Variants in MCFD2 observed in about 807,000 individuals in gnomAD.
MCFD2 encodes the protein multiple coagulation factor deficiency protein 2.
MCFD2 carries 11 observed loss-of-function variants against 12.8 expected under a neutral mutation model. The ratio of observed to expected loss-of-function variants is 0.86; its 90% CI spans 0.54 to 1.42. MCFD2 has a LOEUF of 1.42. Ranked by LOEUF, MCFD2 falls within the 40% of genes most tolerant of loss-of-function variation. The probability of loss-of-function intolerance (pLI) is 0.00; values close to 1 mark genes in which losing one functional copy is unlikely to be tolerated. For synonymous variants in MCFD2, 70 were observed against 68.1 expected, an observed-to-expected ratio of 1.03 and a Z score of -0.14; for missense variants, 191 against 178.6, an observed-to-expected ratio of 1.07 and a Z score of -0.40.
intron 1 of MCFD2, among the ~76,000 whole-genome samples, chr2:46,932,614 G>T (rs1489804806): frequency 2.6e-5 from 4 of 152,044 alleles, no homozygotes; most frequent in Admixed American, 6.6e-5. Flanking sequence ...ATAGAAGCAG[G>T]TGGAGGCCAG....
At chr2:46,909,476 C>CCA (rs1668392114) in intron 1 of MCFD2, among the ~76,000 whole-genome samples, 1 of 150,146 alleles carries the variant, frequency 6.7e-6, no homozygotes, top group African/African-American at 2.5e-5. Flanking sequence ...AAGTTATGGT[C>CCA]CCCTGAAAGA....
At position 46,905,695 on chromosome 2, in the gene MCFD2, TAAAAAAAAAAAA is replaced by T. The variant is rs59068176; in HGVS notation, c.310-113_310-102del. On this transcript the variant is annotated intron_variant, in intron 3 of 3. Transcript: ENST00000319466. The stretch of plus-strand genomic sequence containing the variant: ...CATGTTCTTTCATGGCACTGTTTAT[TAAAAAAAAAAAA>T]AAAAAAAAGGAAAAACAAAACAACA... The T allele has an allele frequency of 7.7e-5, 39 of 509,008 alleles. No homozygotes were observed. The Middle Eastern group carries it at 2.4e-3, about 31-fold the overall frequency. The allele number at this position is 509,008 out of a possible 1,614,324, so 31.5% of individuals were successfully genotyped here.
In MCFD2 at chr2:46,941,573, T is replaced by C; in HGVS notation, c.-9A>G. On this transcript the variant is annotated splice_region_variant and 5_prime_UTR_variant, in exon 1 of 3. Coordinates refer to the MCFD2 transcript ENST00000409147. This position sits in a 1 kb window ranked among gnomAD's most constrained non-coding sequence, Gnocchi z 4.2. ...GCGAAGGGCGCGCACGGCTCCTACCTGAAGGTGGAGAGCGAGCTGGAGCGC... is the reference window on the plus strand; with the variant it reads ...GCGAAGGGCGCGCACGGCTCCTACCCGAAGGTGGAGAGCGAGCTGGAGCGC... 2 of 1,557,536 alleles carry C rather than the reference T, an allele frequency of 1.3e-6. No individual in the cohort carries two copies. The highest frequency in any genetic ancestry group is 1.7e-6 in the Non-Finnish European group (2 of 1,151,298).
chr2:46,905,342 A>T lies in MCFD2; in HGVS notation c.*121T>A. On this transcript the variant is annotated 3_prime_UTR_variant, in exon 4 of 4. Coordinates refer to ENST00000319466, the MANE Select transcript of MCFD2 (RefSeq NM_139279.6). ...TCTCACCCCAGTGTAACGAATCGCTACAGGTTTTTACCAAAATGCTGCAGC... is the reference window on the plus strand; with the variant it reads ...TCTCACCCCAGTGTAACGAATCGCTTCAGGTTTTTACCAAAATGCTGCAGC... 9.2e-7 allele frequency: 1 copy of T among 1,090,944 alleles called. No homozygotes were observed. The highest frequency in any genetic ancestry group is 1.4e-6 in the Non-Finnish European group (1 of 709,990). 67.6% of individuals were successfully genotyped at this position (1,090,944 alleles called of 1,614,324 possible).
rs534249673 is a variant in MCFD2, at chr2:46,940,057, G to T, written c.-8+1515C>A. On this transcript the variant is annotated intron_variant, in intron 1 of 2. Coordinates refer to the MCFD2 transcript ENST00000409147. This position sits in a 1 kb window ranked among gnomAD's most constrained non-coding sequence, Gnocchi z 4.7. ...GGAGGGCCTCCACATGGGAGTCGGG[G>T]GTCAGTGGGAACAGGAAGACTGTCT... Among the ~76,000 whole-genome samples the T allele has an allele frequency of 1.3e-5, 2 of 152,240 alleles. No homozygotes were observed. The highest frequency in any genetic ancestry group is 4.1e-4 in the South Asian group (2 of 4,826).
upstream of MCFD2, among the ~76,000 whole-genome samples, chr2:46,920,513 T>C (rs916379280): frequency 6.6e-6 from 1 of 152,036 alleles, no homozygotes; most frequent in African/African-American, 2.4e-5. Flanking sequence ...GTATTTTTAG[T>C]AGAGATGGGG....
upstream of MCFD2, chr2:46,915,833 G>T: frequency 2.9e-6 from 1 of 340,758 alleles, no homozygotes; most frequent in Non-Finnish European, 3.6e-6. Context: ...CCCCCGACCT[G>T]CCCTGCGCAC....
At chr2:46,915,930 C>T (rs1413498979), upstream of MCFD2, 19 of 985,186 alleles carry the variant, frequency 1.9e-5, no homozygotes, top group Non-Finnish European at 2.2e-5. Context: ...CGTGAGTCCA[C>T]GTGTAATCGG....
rs541491886 is a variant in MCFD2 at position 46,925,359 on chromosome 2, A to G, written c.-8+16213T>C. Among the ~76,000 whole-genome samples the G allele has an allele frequency of 2.4e-4, 37 of 152,250 alleles. 1 individual carries two copies. The highest frequency in any genetic ancestry group is 9.8e-4 in the Admixed American group (15 of 15,288). On this transcript the variant is annotated intron_variant, in intron 1 of 2. Transcript: ENST00000409147. ...GATCACTTGAGGTCAGGAGTTCGAG[A>G]CTAACCTAGCCAACATGGTGAAACC... is the stretch of plus-strand genomic sequence containing the variant.
chr2:46,922,155 T>G (rs1669138367), intron 1 of MCFD2, among the ~76,000 whole-genome samples: 1 of 151,984 alleles, frequency 6.6e-6, no homozygotes, highest in Non-Finnish European at 1.5e-5. Flanking sequence ...AACAACAACT[T>G]TAGTTACTTA....
rs1303628238 is a variant in MCFD2, at chr2:46,903,564, G to A, written c.*1899C>T. The A allele has an allele frequency of 6.6e-6, 1 of 152,216 alleles. No individual in the cohort carries two copies. The highest frequency in any genetic ancestry group is 1.5e-5 in the Non-Finnish European group (1 of 68,060). 9.4% of individuals were successfully genotyped at this position (152,216 alleles called of 1,614,324 possible). On this transcript the variant is annotated 3_prime_UTR_variant, in exon 4 of 4. Transcript: ENST00000319466. ...ATATGGACAACAAAGTCCAGGCTGA[G>A]GTGGCCTCAGATGAAGATGAGGAAC...
At chr2:46,923,272 T>A (rs1022313514) in intron 1 of MCFD2, among the ~76,000 whole-genome samples, 2 of 152,210 alleles carry the variant, frequency 1.3e-5, no homozygotes, top group African/African-American at 4.8e-5. Context: ...CTTCAGCCCC[T>A]CTCTCCTCCC....
At chr2:46,909,323 G>T in intron 1 of MCFD2, 146 bp from the exon 2 acceptor site, 1 of 959,962 alleles carries the variant, frequency 1.0e-6, no homozygotes, top group Non-Finnish European at 1.6e-6. Flanking sequence ...TGCCAGCTCT[G>T]CTTTGAGACT....
At chr2:46,918,445 T>A (rs1668931914), upstream of MCFD2, among the ~76,000 whole-genome samples, 1 of 152,232 alleles carries the variant, frequency 6.6e-6, no homozygotes, top group Admixed American at 6.5e-5. Context: ...GCTTCCATTC[T>A]TGCCCTACTG....
At chr2:46,933,666 C>T (rs961396092) in intron 1 of MCFD2, among the ~76,000 whole-genome samples, 14 of 152,198 alleles carry the variant, frequency 9.2e-5, no homozygotes, top group African/African-American at 3.1e-4. Flanking sequence ...CCGAATGTAG[C>T]GATCCTGAGC....
chr2:46,938,682 A>G (rs1210884693), intron 1 of MCFD2, among the ~76,000 whole-genome samples: 1 of 152,118 alleles, frequency 6.6e-6, no homozygotes, highest in Non-Finnish European at 1.5e-5. Flanking sequence ...AATAAATTCT[A>G]TGGGCCCTGT....
At chr2:46,916,062 C>A (rs540276954), upstream of MCFD2, 6 of 985,458 alleles carry the variant, frequency 6.1e-6, no homozygotes, top group African/African-American at 1.0e-4. Context: ...CTAGGCAACG[C>A]CGGAAGCCCT....
At chr2:46,906,204 T>C (rs983639692) in intron 3 of MCFD2, among the ~76,000 whole-genome samples, 3 of 152,124 alleles carry the variant, frequency 2.0e-5, no homozygotes, top group African/African-American at 4.8e-5. Flanking sequence ...ACCACCACTA[T>C]CCTCATCTGC....
chr2:46,917,741 T>C (rs1668888770), upstream of MCFD2, among the ~76,000 whole-genome samples: 1 of 152,230 alleles, frequency 6.6e-6, no homozygotes, highest in Non-Finnish European at 1.5e-5. Context: ...GCAATCTCCA[T>C]GCAAATCTAG....
Sources: allele counts gnomAD v4.1 joint callset (sites outside exome capture counted in the v4.1 genomes callset), GRCh38; gene constraint gnomAD v4.1.1; non-coding constraint Gnocchi (gnomAD v3.1); transcripts MANE v1.5; gene names NCBI Gene and HGNC (gene_info 2026-07-23, HGNC 2026-07-21).